The following PRDM16 variants were observed in gnomAD, a reference collection of about 807,000 sequenced individuals.
PRDM16 encodes the protein histone-lysine N-methyltransferase PRDM16.
A neutral mutation model predicts 110.6 loss-of-function variants in PRDM16; 23 were observed. That is an observed-to-expected ratio of 0.21 (90% CI 0.15 to 0.29). The LOEUF is 0.29. PRDM16 is among the 10% of genes least tolerant of loss of function. The probability of loss-of-function intolerance (pLI) is 1.00; values close to 1 mark genes in which losing one functional copy is unlikely to be tolerated. For synonymous variants in PRDM16, 799 were observed against 781.8 expected (o/e 1.02, Z -0.37); for missense variants, 1,615 against 1,794.3 (o/e 0.90, Z 1.81).
At chr1:3,196,186 C>T (rs1638469901) in intron 2 of PRDM16, among the ~76,000 whole-genome samples, 1 of 152,222 alleles carries the variant, frequency 6.6e-6, no homozygotes, top group Non-Finnish European at 1.5e-5. Flanking sequence ...TGGGCCCAGA[C>T]CCGGTTCCTG....
intron 3 of PRDM16, among the ~76,000 whole-genome samples, chr1:3,295,956 G>A (rs1265584289): frequency 6.6e-6 from 1 of 152,056 alleles, no homozygotes; most frequent in Non-Finnish European, 1.5e-5. Flanking sequence ...TCCCCAATCA[G>A]AAGAGCTTGT....
chr1:3,138,180 C>T (rs991145052), intron 1 of PRDM16, among the ~76,000 whole-genome samples: 1 of 152,206 alleles, frequency 6.6e-6, no homozygotes, highest in Non-Finnish European at 1.5e-5. Context: ...TCCTTCTGTC[C>T]CCCTCCTATA....
At chr1:3,218,660 C>T (rs1052955219) in intron 2 of PRDM16, among the ~76,000 whole-genome samples, 1 of 152,220 alleles carries the variant, frequency 6.6e-6, no homozygotes, top group African/African-American at 2.4e-5. Flanking sequence ...GCAGAAGATG[C>T]TTCCTCCCCT....
In PRDM16 at chr1:3,080,592, A is replaced by G. The variant is rs1224788682; in HGVS notation, c.37+11296A>G. On this transcript the variant is annotated intron_variant, in intron 1 of 16. Coordinates refer to ENST00000270722, the MANE Select transcript of PRDM16 (RefSeq NM_022114.4). The surrounding 1 kb of genome is among the most constrained non-coding windows in gnomAD (Gnocchi z 5.2). ...GCTGGGTGGTGTCCTCTGAAACCCCAAATTTTGTTTCATCAACTCGGCTGA... is the reference window on the plus strand; with the variant it reads ...GCTGGGTGGTGTCCTCTGAAACCCCGAATTTTGTTTCATCAACTCGGCTGA... 6.6e-6 allele frequency among the ~76,000 whole-genome samples: 1 copy of G among 152,160 alleles called. No homozygotes were observed. Among genetic ancestry groups the G allele is most frequent in the Non-Finnish European group, 1.5e-5 (1 of 68,038 alleles).
chr1:3,394,649 G>A (rs1319509413), intron 4 of PRDM16, among the ~76,000 whole-genome samples: 1 of 152,150 alleles, frequency 6.6e-6, no homozygotes, highest in Admixed American at 6.5e-5. Flanking sequence ...CCTGCCCCAC[G>A]GGCATCAGCC....
At chr1:3,268,477 C>T (rs1302396839) in intron 3 of PRDM16, among the ~76,000 whole-genome samples, 9 of 152,190 alleles carry the variant, frequency 5.9e-5, no homozygotes, top group African/African-American at 1.9e-4. Context: ...TGCAGGGCGG[C>T]CGGGGAGGGC....
Position 3,412,452 on chromosome 1 carries a change from A to T in PRDM16, c.2255A>T (p.Lys752Met). The T allele has an allele frequency of 6.2e-7, 1 of 1,613,272 alleles. No homozygotes were observed. Residue 752 changes from lysine (K) to methionine (M), a missense_variant, in exon 9 of 17, where the codon AAG (lysine) becomes ATG (methionine). Coordinates refer to ENST00000270722, the MANE Select transcript of PRDM16 (RefSeq NM_022114.4). ...GCCCTCGCCCACAACTTGCTGGTCAAGGCCGAGCCAAAGTCACCCCGGGAC... is the reference window on the plus strand; with the variant it reads ...GCCCTCGCCCACAACTTGCTGGTCATGGCCGAGCCAAAGTCACCCCGGGAC... ...DRALAHNLLV[K>M]AEPKSPRDAL...
At chr1:3,158,878 A>G (rs750152687) in intron 1 of PRDM16, among the ~76,000 whole-genome samples, 4 of 151,042 alleles carry the variant, frequency 2.6e-5, no homozygotes, top group South Asian at 2.1e-4. Context: ...GGTTCAAGCA[A>G]TTCTCCCTGC....
chr1:3,343,929 C>T (rs1455025830), intron 3 of PRDM16, among the ~76,000 whole-genome samples: 1 of 152,180 alleles, frequency 6.6e-6, no homozygotes, highest in Non-Finnish European at 1.5e-5. Context: ...GTGTGAGCCA[C>T]CGCTCCCAGC....
At chr1:3,121,376 A>G (rs910583243) in intron 1 of PRDM16, among the ~76,000 whole-genome samples, 74 of 152,358 alleles carry the variant, frequency 4.9e-4, no homozygotes, top group African/African-American at 1.7e-3. Context: ...TTATTTTAAA[A>G]GCCTGTCCTG....
At chr1:3,421,057 A>G (rs72633337) in intron 12 of PRDM16, among the ~76,000 whole-genome samples, 10,809 of 152,280 alleles carry the variant, frequency 0.071, 508 homozygotes, top group Non-Finnish European at 0.1. Flanking sequence ...AGGGAGGCAC[A>G]GTTGTGCTTC....
At chr1:3,205,263 C>A (rs367735515) in intron 2 of PRDM16, among the ~76,000 whole-genome samples, 1 of 152,160 alleles carries the variant, frequency 6.6e-6, no homozygotes, top group Non-Finnish European at 1.5e-5. Flanking sequence ...ACCCCCAAGG[C>A]GCCTTCTGAG....
At position 3,142,641 on chromosome 1, in the gene PRDM16, CCCCAGGGTGCG is replaced by C. The variant is rs1007419293; in HGVS notation, c.38-43482_38-43472del. On this transcript the variant is annotated intron_variant, in intron 1 of 16. Transcript: ENST00000270722. The stretch of plus-strand genomic sequence containing the variant: ...GCCGTGTATGTTCCCAGTGTGCGGA[CCCCAGGGTGCG>C]CACAGGCAACGGAACGCCTGGGATT... Among the ~76,000 whole-genome samples, 6 of 152,242 alleles carry C rather than the reference CCCCAGGGTGCG, an allele frequency of 3.9e-5. No individual in the cohort carries two copies. In the South Asian group the frequency reaches 8.3e-4, roughly 21 times the overall value.
At chr1:3,123,804 G>A (rs990382569) in intron 1 of PRDM16, among the ~76,000 whole-genome samples, 2 of 152,386 alleles carry the variant, frequency 1.3e-5, no homozygotes, top group East Asian at 1.9e-4. Flanking sequence ...CATCAAGTCC[G>A]AGCTCCGAGT....
chr1:3,380,871 C>A (rs1395602966), intron 3 of PRDM16, among the ~76,000 whole-genome samples: 1 of 152,206 alleles, frequency 6.6e-6, no homozygotes, highest in Non-Finnish European at 1.5e-5. Flanking sequence ...ACAATGGGTG[C>A]CTCCTCCACA....
At chr1:3,248,867 C>T (rs943131427) in intron 3 of PRDM16, among the ~76,000 whole-genome samples, 22 of 152,320 alleles carry the variant, frequency 1.4e-4, no homozygotes, top group Admixed American at 5.2e-4. Flanking sequence ...CCTCTGGTAA[C>T]GAGGAGTCCA....
At position 3,402,838 on chromosome 1, in the gene PRDM16, A is replaced by G. The variant is rs1188167348; in HGVS notation, c.724A>G (p.Lys242Glu). 2 of 1,613,088 alleles carry G rather than the reference A, an allele frequency of 1.2e-6. No individual in the cohort carries two copies. Among genetic ancestry groups the G allele is most frequent in the Admixed American group, 1.7e-5 (1 of 60,024 alleles). ...CGAGTGTGACGAACTCTTCCAGTCC[A>G]AGCTGGACCTGCGGCGCCATAAGAA... The part of the protein sequence containing the change: ...CDECDELFQS[K>E]LDLRRHKKYT... Residue 242 changes from lysine (K) to glutamate (E), a missense_variant, in exon 6 of 17, where the codon AAG (lysine) becomes GAG (glutamate). Lys to Glu is a moderately conservative substitution (Grantham distance 56). This residue lies in a region of PRDM16 where 416 missense variants were observed against 467.1 expected (regional missense o/e 0.89). Transcript: ENST00000270722.
At chr1:3,227,184 C>A (rs1280444137) in intron 2 of PRDM16, among the ~76,000 whole-genome samples, 2 of 152,280 alleles carry the variant, frequency 1.3e-5, no homozygotes, top group African/African-American at 4.8e-5. Flanking sequence ...CCCCGGGCTG[C>A]TGGAGCTCCG....
chr1:3,168,622 C>T (rs56304645), intron 1 of PRDM16, among the ~76,000 whole-genome samples: 37,429 of 146,416 alleles, frequency 0.26, 4,869 homozygotes, highest in South Asian at 0.34. Flanking sequence ...TAGATCAGAC[C>T]GAAATACAGA....
Sources: allele counts gnomAD v4.1 joint callset (sites outside exome capture counted in the v4.1 genomes callset), GRCh38; gene constraint gnomAD v4.1.1; regional missense constraint gnomAD v4.1.1; non-coding constraint Gnocchi (gnomAD v3.1); transcripts MANE v1.5; gene names NCBI Gene and HGNC (gene_info 2026-07-23, HGNC 2026-07-21).